The following COL6A6 variants were observed in gnomAD, a reference collection of about 807,000 sequenced individuals.
The protein encoded by COL6A6 is collagen alpha-6(VI) chain.
Under a neutral mutation model 208.6 loss-of-function variants are expected in COL6A6, and 183 were observed. The ratio of observed to expected loss-of-function variants is 0.88; its 90% confidence interval spans 0.78 to 0.99. COL6A6 has a LOEUF of 0.99. Ranked by LOEUF, COL6A6 falls within the 50% of genes least tolerant of loss-of-function variation. COL6A6 has a pLI of 0.00. For synonymous variants in COL6A6, 973 were observed against 1,011.8 expected (o/e 0.96, Z 0.73); for missense variants, 2,816 against 2,815.2 (o/e 1.00, Z -0.01).
At chr3:130,533,524 C>G (rs1280877828) in intron 1 of COL6A6, among the ~76,000 whole-genome samples, 1 of 152,080 alleles carries the variant, frequency 6.6e-6, no homozygotes, top group Non-Finnish European at 1.5e-5. Flanking sequence ...TATTCCTTAC[C>G]CAGATTTAAC....
At chr3:130,671,204 G>A (rs1460359873) in intron 36 of COL6A6, among the ~76,000 whole-genome samples, 4 of 152,164 alleles carry the variant, frequency 2.6e-5, no homozygotes, top group African/African-American at 7.2e-5. Flanking sequence ...GCATTTTGCC[G>A]TCGGCTCTCC....
At chr3:130,635,579 T>G (rs1320746716) in intron 27 of COL6A6, 120 bp from the exon 28 acceptor site, 1 of 667,366 alleles carries the variant, frequency 1.5e-6, no homozygotes, top group Non-Finnish European at 2.6e-6. Flanking sequence ...TCTTCAAAGA[T>G]GACTGTTAAA....
At position 130,563,667 on chromosome 3, in the gene COL6A6, G is replaced by C; in HGVS notation, c.661+3G>C. Reference sequence around the variant, plus strand: ...AGTTGATGACATCTTTGTAGAAGGTGGGCTTAGGATATGTGTATAGGAATG... The same window carrying C: ...AGTTGATGACATCTTTGTAGAAGGTCGGCTTAGGATATGTGTATAGGAATG... On this transcript the variant is annotated splice_donor_region_variant and intron_variant, in intron 3 of 36. Coordinates refer to ENST00000358511, the MANE Select transcript of COL6A6 (RefSeq NM_001102608.3). The C allele has an allele frequency of 6.3e-7, 1 of 1,587,036 alleles. No homozygotes were observed.
chr3:130,564,598 T>C (rs769719674), intron 3 of COL6A6, among the ~76,000 whole-genome samples: 7 of 152,262 alleles, frequency 4.6e-5, no homozygotes, highest in Non-Finnish European at 7.3e-5. Context: ...AATTGCTATT[T>C]CGTTACTATC....
At chr3:130,623,819 A>C (rs2064807354) in intron 24 of COL6A6, among the ~76,000 whole-genome samples, 1 of 152,188 alleles carries the variant, frequency 6.6e-6, no homozygotes, top group Admixed American at 6.5e-5. Flanking sequence ...TCTTTGTAAG[A>C]AGTCCAAGAG....
Position 130,641,651 on chromosome 3 carries a change from G to A in COL6A6, c.5092-1G>A, listed in dbSNP as rs2065312164. 4 of 1,557,766 alleles carry A rather than the reference G, an allele frequency of 2.6e-6. No homozygotes were observed. Among genetic ancestry groups the A allele is most frequent in the Admixed American group, 1.7e-5 (1 of 59,280 alleles). On this transcript the variant is annotated splice_acceptor_variant, in intron 28 of 36. Transcript: ENST00000358511. LOFTEE classifies it high-confidence loss of function. ...AATTTTAAAATAAATTCTCCTTTGA[G>A]ATATCTGCTGGGCTTCCAGGAGAGA...
intron 1 of COL6A6, among the ~76,000 whole-genome samples, chr3:130,547,890 C>T (rs1038843343): frequency 2.6e-5 from 4 of 152,186 alleles, no homozygotes; most frequent in Non-Finnish European, 4.4e-5. Flanking sequence ...CTTCGCCTCC[C>T]GGGTTCAAGT....
intron 11 of COL6A6, 55 bp from the exon 12 acceptor site, chr3:130,589,035 T>G: frequency 4.3e-5 from 59 of 1,373,508 alleles, no homozygotes; most frequent in Non-Finnish European, 5.8e-5. Context: ...AACTTGTATA[T>G]GAGATTTGGG....
intron 1 of COL6A6, among the ~76,000 whole-genome samples, chr3:130,546,288 C>T (rs574931110): frequency 7.9e-5 from 12 of 152,040 alleles, no homozygotes; most frequent in African/African-American, 2.7e-4. Flanking sequence ...TGCAGACCTT[C>T]GCGATGAGTG....
In COL6A6 at chr3:130,610,679, GA is replaced by G; in HGVS notation, c.4788del (p.Gly1597GlufsTer94). ...AAGAGGAGAGGCTGGTGTGAAAGGA[GA>G]AAAAGGAGGTGTGGGAAGTAAAGGT... ...GPRGEAGVKG[E>X]KGGVGSKGPQ... On this transcript the variant is annotated frameshift_variant, in exon 23 of 37. Coordinates refer to ENST00000358511, the MANE Select transcript of COL6A6 (RefSeq NM_001102608.3). LOFTEE classifies it high-confidence loss of function. 2 of 1,591,918 alleles carry G rather than the reference GA, an allele frequency of 1.3e-6. No individual in the cohort carries two copies. Among genetic ancestry groups the G allele is most frequent in the South Asian group, 1.2e-5 (1 of 86,812 alleles).
chr3:130,603,467 T>TG (rs2064087333), intron 20 of COL6A6, among the ~76,000 whole-genome samples: 1 of 151,816 alleles, frequency 6.6e-6, no homozygotes, highest in African/African-American at 2.4e-5. Context: ...TATAATGAAT[T>TG]GGGGGAAAAG....
At chr3:130,524,385 C>T (rs1250444080) in intron 1 of COL6A6, among the ~76,000 whole-genome samples, 1 of 152,188 alleles carries the variant, frequency 6.6e-6, no homozygotes, top group Non-Finnish European at 1.5e-5. Context: ...GTGCCCTGCC[C>T]CACTCTAAAC....
chr3:130,649,447 GT>G lies in COL6A6; in HGVS notation c.5619del (p.Gln1874SerfsTer24), dbSNP rs1266463302. The G allele has an allele frequency of 2.2e-5, 35 of 1,612,654 alleles. No homozygotes were observed. Among genetic ancestry groups the G allele is most frequent in the Non-Finnish European group, 2.8e-5 (33 of 1,179,468 alleles). ...AAAATCGCCACATTTTTCAGCAGCG[GT>G]CAGTCCGCGGATGCCCACTCCATCA... ...TRKIATFFSS[G>X]QSADAHSITT... is the part of the protein sequence containing the mutation. On this transcript the variant is annotated frameshift_variant, in exon 33 of 37. Transcript: ENST00000358511. LOFTEE classifies it high-confidence loss of function.
chr3:130,663,618 T>C (rs955423428), intron 35 of COL6A6, among the ~76,000 whole-genome samples: 8 of 152,194 alleles, frequency 5.3e-5, no homozygotes, highest in African/African-American at 1.9e-4. Context: ...GGCAAGAAGT[T>C]GCAAGAAGTC....
chr3:130,670,501 G>A (rs375323069), intron 36 of COL6A6, among the ~76,000 whole-genome samples: 132 of 152,222 alleles, frequency 8.7e-4, no homozygotes, highest in African/African-American at 2.8e-3. Context: ...CTAGAGACTT[G>A]GTTCACTTGC....
At chr3:130,560,292 A>G in intron 1 of COL6A6, 42 bp from the exon 2 acceptor site, 1 of 1,300,642 alleles carries the variant, frequency 7.7e-7, no homozygotes, top group East Asian at 2.3e-5. Flanking sequence ...TTAATTCCCA[A>G]ATAATATCCA....
rs1419348933 is a variant in COL6A6 at position 130,675,658 on chromosome 3, G to A, written c.*261G>A. 2 of 325,100 alleles carry A rather than the reference G, an allele frequency of 6.2e-6. No individual in the cohort carries two copies. Among genetic ancestry groups the A allele is most frequent in the African/African-American group, 2.1e-5 (1 of 47,860 alleles). The allele number at this position is 325,100 out of a possible 1,614,324, so 20.1% of individuals were successfully genotyped here. ...GAAGTGTTTTGAAAAGTCTAATGGA[G>A]ATATAATTTGAAGGTAAAATTTATA... On this transcript the variant is annotated 3_prime_UTR_variant, in exon 37 of 37. Coordinates refer to ENST00000358511, the MANE Select transcript of COL6A6 (RefSeq NM_001102608.3).
intron 12 of COL6A6, among the ~76,000 whole-genome samples, 166 bp downstream of exon 12, chr3:130,589,348 G>A (rs187953829): frequency 6.0e-4 from 92 of 152,202 alleles, no homozygotes; most frequent in African/African-American, 2.2e-3. Context: ...GATTTTCCTT[G>A]GCATTCTAAA....
chr3:130,647,229 C>A (rs932006863), intron 32 of COL6A6, among the ~76,000 whole-genome samples: 6 of 152,160 alleles, frequency 3.9e-5, no homozygotes, highest in African/African-American at 1.4e-4. Flanking sequence ...TTCCTGGCAG[C>A]TTGCTTGGTT....
Sources: gnomAD v4.1 joint callset for allele counts (sites outside exome capture counted in the v4.1 genomes callset) on GRCh38, gnomAD v4.1.1 for gene constraint, MANE v1.5 for transcripts, NCBI Gene and HGNC (gene_info 2026-07-23, HGNC 2026-07-21) for gene names.